Variants in CREB5 observed in about 807,000 individuals in gnomAD.
CREB5 encodes cAMP responsive element binding protein 5, also known as cyclic AMP-responsive element-binding protein 5.
In CREB5, 19 loss-of-function variants were observed where a neutral mutation model predicts 57.1. The ratio of observed to expected loss-of-function variants is 0.33; its 90% CI spans 0.23 to 0.49. The LOEUF is 0.49. Ranked by LOEUF, CREB5 falls within the 20% of genes least tolerant of loss-of-function variation. CREB5 has a pLI of 0.99. For missense variants in CREB5, 579 were observed against 671.6 expected (o/e 0.86, Z 1.52); for synonymous variants, 238 against 238.3 (o/e 1.00, Z 0.01).
At chr7:28,404,423 A>G (rs1051054511) in intron 1 of CREB5, among the ~76,000 whole-genome samples, 1 of 152,108 alleles carries the variant, frequency 6.6e-6, no homozygotes, top group African/African-American at 2.4e-5. Context: ...CAGAGAGATC[A>G]TGAATTTACC....
chr7:28,383,141 A>G (rs1786999051), intron 1 of CREB5, among the ~76,000 whole-genome samples: 1 of 152,192 alleles, frequency 6.6e-6, no homozygotes, highest in Non-Finnish European at 1.5e-5. Flanking sequence ...GCAGAGACCA[A>G]TGAGCATGCC....
In CREB5 at chr7:28,825,760, TG is replaced by T. The variant is rs1810027052; in HGVS notation, c.*6482del. 1 of 152,664 alleles carries T rather than the reference TG, an allele frequency of 6.6e-6. No individual in the cohort carries two copies. The highest frequency in any genetic ancestry group is 2.4e-5 in the African/African-American group (1 of 41,470). The allele number at this position is 152,664 out of a possible 1,614,324, so 9.5% of individuals were successfully genotyped here. On this transcript the variant is annotated 3_prime_UTR_variant, in exon 11 of 11. Coordinates refer to ENST00000357727, the MANE Select transcript of CREB5 (RefSeq NM_182898.4). The stretch of plus-strand genomic sequence containing the variant: ...CACATTTATTGTTACCAATGGACAA[TG>T]AGTTCATTAAGACTGTTCAACTAGG...
chr7:28,670,352 T>A (rs554778814), intron 5 of CREB5, among the ~76,000 whole-genome samples: 16 of 152,348 alleles, frequency 1.1e-4, no homozygotes, highest in Non-Finnish European at 1.9e-4. Flanking sequence ...TGACTGCAGT[T>A]GACTGCAGGT....
intron 1 of CREB5, among the ~76,000 whole-genome samples, chr7:28,352,291 G>A (rs913619717): frequency 6.6e-6 from 1 of 152,184 alleles, no homozygotes; most frequent in African/African-American, 2.4e-5. Context: ...TGGCATGGAA[G>A]AGTCCCCTGG....
intron 5 of CREB5, among the ~76,000 whole-genome samples, chr7:28,588,944 C>T (rs1314714448): frequency 1.3e-5 from 2 of 152,148 alleles, no homozygotes; most frequent in East Asian, 1.9e-4. Context: ...TTCCCAGCAA[C>T]GTAGCTCCTC....
intron 1 of CREB5, among the ~76,000 whole-genome samples, chr7:28,338,402 G>A (rs1218194548): frequency 6.6e-6 from 1 of 152,024 alleles, no homozygotes; most frequent in African/African-American, 2.4e-5. Flanking sequence ...CTATCCCAGG[G>A]AAAAAGTTTT....
At chr7:28,740,035 A>C (rs549301490) in intron 7 of CREB5, among the ~76,000 whole-genome samples, 16 of 152,216 alleles carry the variant, frequency 1.1e-4, no homozygotes, top group Non-Finnish European at 2.1e-4. Context: ...CCTGAGCCAG[A>C]TCTTGTTTGC....
At chr7:28,482,027 A>G (rs217517) in intron 1 of CREB5, among the ~76,000 whole-genome samples, 131,532 of 152,234 alleles carry the variant, frequency 0.86, 56,988 homozygotes, top group African/African-American at 0.92. Context: ...AATCCAGAGG[A>G]CTTACTTTTC....
chr7:28,590,696 AATAATAATAAT>A (rs1433605749), intron 5 of CREB5, among the ~76,000 whole-genome samples: 3 of 150,354 alleles, frequency 2.0e-5, no homozygotes, highest in African/African-American at 7.3e-5. Context: ...TAATAATAAT[AATAATAATAAT>A]AAAAACCCAA....
intron 1 of CREB5, among the ~76,000 whole-genome samples, chr7:28,389,485 C>T (rs776822260): frequency 5.9e-5 from 9 of 152,148 alleles, no homozygotes; most frequent in Non-Finnish European, 1.2e-4. Context: ...ATGGAGACCT[C>T]ATGGACATTC....
chr7:28,696,886 A>G (rs566967345), intron 5 of CREB5, among the ~76,000 whole-genome samples: 24 of 152,050 alleles, frequency 1.6e-4, no homozygotes, highest in African/African-American at 5.8e-4. Flanking sequence ...TAATGTATAT[A>G]CACACATACT....
chr7:28,491,968 A>G (rs1791826422), intron 2 of CREB5, among the ~76,000 whole-genome samples: 2 of 152,284 alleles, frequency 1.3e-5, no homozygotes, highest in Non-Finnish European at 2.9e-5. Context: ...GGAATGGCCT[A>G]TAATACGTGG....
chr7:28,488,845 G>C (rs1791680490), intron 2 of CREB5, among the ~76,000 whole-genome samples: 2 of 152,196 alleles, frequency 1.3e-5, no homozygotes, highest in Admixed American at 6.5e-5. Flanking sequence ...AAGAGATACT[G>C]CTGGTAGAGT....
At chr7:28,581,918 G>C (rs1371187142) in intron 5 of CREB5, among the ~76,000 whole-genome samples, 1 of 152,148 alleles carries the variant, frequency 6.6e-6, no homozygotes, top group Non-Finnish European at 1.5e-5. Flanking sequence ...GGTGGGGTGA[G>C]AAAGAAGAAC....
chr7:28,620,347 G>T (rs550485766), intron 5 of CREB5, among the ~76,000 whole-genome samples: 26 of 152,248 alleles, frequency 1.7e-4, no homozygotes, highest in Non-Finnish European at 1.3e-4. Context: ...CCATTTGGAA[G>T]AGGGGGGTGC....
chr7:28,584,127 A>G (rs183712118), intron 5 of CREB5, among the ~76,000 whole-genome samples: 5 of 152,260 alleles, frequency 3.3e-5, no homozygotes, highest in East Asian at 1.9e-4. Context: ...ACGGAACGCA[A>G]TGATGACTTC....
At chr7:28,640,948 C>T (rs940747195) in intron 5 of CREB5, among the ~76,000 whole-genome samples, 1 of 152,194 alleles carries the variant, frequency 6.6e-6, no homozygotes, top group African/African-American at 2.4e-5. Flanking sequence ...TTGTCAAGCA[C>T]ATTTAACTTC....
chr7:28,737,584 T>A (rs4719948), intron 7 of CREB5, among the ~76,000 whole-genome samples: 879 of 27,262 alleles, frequency 0.032, 40 homozygotes, highest in Middle Eastern at 0.053. Flanking sequence ...TATATATATA[T>A]ATATTTTTAA....
intron 1 of CREB5, among the ~76,000 whole-genome samples, chr7:28,422,530 A>G (rs1465413535): frequency 6.6e-6 from 1 of 152,192 alleles, no homozygotes; most frequent in Non-Finnish European, 1.5e-5. Flanking sequence ...ATATAGGCAA[A>G]TATTCATGAG....
Sources: allele counts gnomAD v4.1 joint callset (sites outside exome capture counted in the v4.1 genomes callset), GRCh38; gene constraint gnomAD v4.1.1; transcripts MANE v1.5; gene names NCBI Gene and HGNC (gene_info 2026-07-23, HGNC 2026-07-21).